The following NUP205 variants were observed in gnomAD, a reference collection of about 807,000 sequenced individuals.
NUP205 encodes nuclear pore complex protein Nup205.
A neutral mutation model predicts 253.8 loss-of-function variants in NUP205; 76 were observed. That is an observed-to-expected ratio of 0.30 (90% CI 0.25 to 0.36). The LOEUF (loss-of-function observed/expected upper bound fraction) is 0.36, where lower values mean the gene tolerates loss of function less well. Among genes scored for constraint, NUP205 ranks in the 10% least tolerant of loss-of-function variants. The probability of loss-of-function intolerance (pLI) is 1.00; values close to 1 mark genes in which losing one functional copy is unlikely to be tolerated. For synonymous variants in NUP205, 832 were observed against 850.1 expected (o/e 0.98, Z 0.37); for missense variants, 2,162 against 2,425.5 (o/e 0.89, Z 2.28).
chr7:135,622,891 G>T lies in NUP205; in HGVS notation c.4445G>T (p.Cys1482Phe). ...SYGAALMEVV[C>F]RDACDGHEIG... is the part of the protein sequence containing the mutation. ...GGCGCCGCCCTCATGGAAGTGGTCT[G>T]TCGAGATGCTTGTGATGGTCATGAG... The change falls in exon 31 of 43, where the codon TGT becomes TTT. Residue 1482 changes from cysteine to phenylalanine, a missense_variant. Around this residue, in one of 5 missense-constraint regions of NUP205, gnomAD observed 1,144 missense variants for 1,280.9 expected, o/e 0.89. Transcript: ENST00000285968. The T allele has an allele frequency of 6.2e-7, 1 of 1,614,154 alleles. No homozygotes were observed. Among genetic ancestry groups the T allele is most frequent in the South Asian group, 1.1e-5 (1 of 91,080 alleles).
intron 1 of NUP205, among the ~76,000 whole-genome samples, chr7:135,559,823 C>G (rs1805533329): frequency 6.6e-6 from 1 of 151,972 alleles, no homozygotes; most frequent in Admixed American, 6.6e-5. Context: ...TCTGAAGTAA[C>G]TGGGATTACA....
chr7:135,645,783 C>A, intron 41 of NUP205, 187 bp downstream of exon 41: 1 of 619,066 alleles, frequency 1.6e-6, no homozygotes, highest in Non-Finnish European at 2.8e-6. Context: ...TTGTGCTGAG[C>A]ATAAGAATAT....
chr7:135,616,582 T>C (rs1465007551), intron 24 of NUP205, 73 bp from the exon 25 acceptor site: 3 of 869,020 alleles, frequency 3.5e-6, no homozygotes, highest in Non-Finnish European at 5.2e-6. Flanking sequence ...ACCTTGTGTT[T>C]GTTATTTCCA....
chr7:135,603,010 A>C lies in NUP205; in HGVS notation c.2702+16A>C. The C allele has an allele frequency of 6.3e-7, 1 of 1,585,574 alleles. No homozygotes were observed. Among genetic ancestry groups the C allele is most frequent in the Non-Finnish European group, 8.6e-7 (1 of 1,158,392 alleles). Reference sequence around the variant, plus strand: ...ACATTGCCAGGTAAGTTACCTTTGTAGGTAGAGAAATGAAGTAAACAGATA... The same window carrying C: ...ACATTGCCAGGTAAGTTACCTTTGTCGGTAGAGAAATGAAGTAAACAGATA... On this transcript the variant is annotated intron_variant, in intron 18 of 42. Transcript: ENST00000285968.
At chr7:135,631,174 A>G (rs1216044921) in intron 35 of NUP205, among the ~76,000 whole-genome samples, 1 of 152,102 alleles carries the variant, frequency 6.6e-6, no homozygotes, top group African/African-American at 2.4e-5. Context: ...TTAAAAAACA[A>G]ATATTTAATT....
intron 10 of NUP205, among the ~76,000 whole-genome samples, chr7:135,589,516 G>A (rs1458427013): frequency 1.3e-5 from 2 of 151,140 alleles, no homozygotes; most frequent in South Asian, 2.1e-4. Flanking sequence ...TCGAACTCCC[G>A]ACCTCAGGTG....
chr7:135,638,432 A>AT, intron 37 of NUP205, 125 bp from the exon 38 acceptor site: 3 of 845,256 alleles, frequency 3.5e-6, no homozygotes, highest in Non-Finnish European at 5.4e-6. Flanking sequence ...AAAAAAAAAA[A>AT]GAATACACAG....
intron 2 of NUP205, among the ~76,000 whole-genome samples, chr7:135,573,319 T>G (rs1386661209): frequency 2.0e-5 from 3 of 152,238 alleles, no homozygotes; most frequent in Non-Finnish European, 2.9e-5. Flanking sequence ...CCATTTGTTA[T>G]GTACCATTTG....
In NUP205 at chr7:135,584,828, C is replaced by G; in HGVS notation, c.1043-4C>G. 6.2e-7 allele frequency: 1 copy of G among 1,613,766 alleles called. No individual in the cohort carries two copies. The highest frequency in any genetic ancestry group is 8.5e-7 in the Non-Finnish European group (1 of 1,179,764). ...ATGTACTGTGTTTTAAAATCTGTTT[C>G]TAGCTCTGGCAGAATTCACAGAGGC... On this transcript the variant is annotated splice_region_variant and splice_polypyrimidine_tract_variant and intron_variant, in intron 7 of 42. Coordinates refer to ENST00000285968, the MANE Select transcript of NUP205 (RefSeq NM_015135.3).
chr7:135,607,475 G>A, intron 22 of NUP205, 104 bp downstream of exon 22: 1 of 1,261,584 alleles, frequency 7.9e-7, no homozygotes. Context: ...TAGTTGAAAT[G>A]AGTTCATTTA....
chr7:135,574,977 G>A, intron 3 of NUP205, among the ~76,000 whole-genome samples: 1 of 152,148 alleles, frequency 6.6e-6, no homozygotes, highest in Non-Finnish European at 1.5e-5. Flanking sequence ...ATGTTCACTA[G>A]ACATGCTTGA....
Position 135,643,192 on chromosome 7 carries a change from A to T in NUP205, c.5393A>T (p.Asp1798Val). 6.2e-7 allele frequency: 1 copy of T among 1,613,480 alleles called. No homozygotes were observed. The highest frequency in any genetic ancestry group is 8.5e-7 in the Non-Finnish European group (1 of 1,179,678). ...ETVNRDGPRQ[D>V]TQAPVVPYWR... Reference sequence around the variant, plus strand: ...TGTTTTATGTCATCACCTCTATTAGATACCCAAGCTCCAGTGGTTCCATAC... The same window carrying T: ...TGTTTTATGTCATCACCTCTATTAGTTACCCAAGCTCCAGTGGTTCCATAC... The change falls in exon 39 of 43, where the codon GAT becomes GTT. Residue 1798 changes from aspartate (D) to valine (V), a missense_variant and splice_region_variant. By Grantham distance (152) the Asp-to-Val change is radical. Transcript: ENST00000285968.
rs1378408361 is a variant in NUP205 at position 135,567,148 on chromosome 7, A to G, written c.29-3957A>G. Among the ~76,000 whole-genome samples the G allele has an allele frequency of 2.1e-4, 17 of 80,056 alleles. 1 individual carries two copies. The highest frequency in any genetic ancestry group is 6.4e-4 in the African/African-American group (13 of 20,364). The allele number at this position is 80,056 out of a possible 152,430, so 52.5% of individuals were successfully genotyped here. A position where few individuals can be genotyped will look rare whatever the true frequency, so the allele number is the denominator to read the frequency against. ...TGTGTGTATATATATATATATATAT[A>G]TATATATATATATATATATATATAT... On this transcript the variant is annotated intron_variant, in intron 1 of 42. Coordinates refer to ENST00000285968, the MANE Select transcript of NUP205 (RefSeq NM_015135.3).
At chr7:135,573,568 A>G (rs1351308200) in intron 2 of NUP205, 86 bp from the exon 3 acceptor site, 3 of 908,552 alleles carry the variant, frequency 3.3e-6, no homozygotes, top group East Asian at 2.6e-5. Context: ...AGGCTGAATT[A>G]TCATGAATAA....
At chr7:135,558,109 A>G (rs1005752925) in intron 1 of NUP205, 137 bp downstream of exon 1, 4 of 756,204 alleles carry the variant, frequency 5.3e-6, no homozygotes, top group African/African-American at 3.5e-5. Flanking sequence ...CTGGGCCTAG[A>G]GTCCCACCCC....
At position 135,618,501 on chromosome 7, in the gene NUP205, G is replaced by A. The variant is rs1794405338; in HGVS notation, c.3861G>A (p.Arg1287=). 6.2e-7 allele frequency: 1 copy of A among 1,613,916 alleles called. No homozygotes were observed. Among genetic ancestry groups the A allele is most frequent in the Non-Finnish European group, 8.5e-7 (1 of 1,179,958 alleles). Residue 1287 remains arginine (R), a synonymous_variant, in exon 28 of 43, where the codon AGG becomes AGA. Transcript: ENST00000285968. ...HAKRHALESW[R]QLVEIILTAC... is the part of the protein sequence containing the mutation. ...AACGTCATGCTCTGGAGTCGTGGAGGCAACTAGTAGAAATTATACTGACAG... is the reference window on the plus strand; with the variant it reads ...AACGTCATGCTCTGGAGTCGTGGAGACAACTAGTAGAAATTATACTGACAG...
intron 7 of NUP205, among the ~76,000 whole-genome samples, chr7:135,583,783 C>T (rs541392941): frequency 1.3e-5 from 2 of 151,374 alleles, no homozygotes; most frequent in South Asian, 4.2e-4. Flanking sequence ...AATAAAGATA[C>T]GATAATGGTG....
At chr7:135,579,421 C>T (rs1307115817) in intron 7 of NUP205, among the ~76,000 whole-genome samples, 4 of 151,808 alleles carry the variant, frequency 2.6e-5, no homozygotes, top group South Asian at 2.1e-4. Context: ...CTTGAACTCC[C>T]GACCTCAGGT....
In NUP205 at chr7:135,557,989, A is replaced by G. The variant is rs1805477347; in HGVS notation, c.28+17A>G. On this transcript the variant is annotated intron_variant, in intron 1 of 42. Coordinates refer to ENST00000285968, the MANE Select transcript of NUP205 (RefSeq NM_015135.3). ...TAAATTCGGGTAAGTGTGGCCAGACAGAAAGACGATTGAGCTGAGCGATAA... is the reference window on the plus strand; with the variant it reads ...TAAATTCGGGTAAGTGTGGCCAGACGGAAAGACGATTGAGCTGAGCGATAA... 1 of 1,608,918 alleles carries G rather than the reference A, an allele frequency of 6.2e-7. No individual in the cohort carries two copies. The highest frequency in any genetic ancestry group is 1.3e-5 in the African/African-American group (1 of 74,944).
Sources: allele counts gnomAD v4.1 joint callset (sites outside exome capture counted in the v4.1 genomes callset), GRCh38; gene constraint gnomAD v4.1.1; regional missense constraint gnomAD v4.1.1; transcripts MANE v1.5; gene names NCBI Gene and HGNC (gene_info 2026-07-23, HGNC 2026-07-21).